SHLD1: variants seen among roughly 807,000 people sequenced by gnomAD.
SHLD1 encodes RINN1-REV7-interacting novel NHEJ regulator 3.
SHLD1 carries 3 observed loss-of-function variants against 5.5 expected under a neutral mutation model. The observed-to-expected ratio is 0.54, with a 90% CI of 0.25 to 1.40. The LOEUF is 1.40. Among genes scored for constraint, SHLD1 ranks in the 40% most tolerant of loss-of-function variants. SHLD1 has a pLI of 0.15. For missense variants in SHLD1, 210 were observed against 244.4 expected, an observed-to-expected ratio of 0.86 and a Z score of 0.94; for synonymous variants, 92 against 94.3, an observed-to-expected ratio of 0.98 and a Z score of 0.14.
intron 2 of SHLD1, among the ~76,000 whole-genome samples, chr20:5,787,307 C>T (rs185540790): frequency 6.6e-6 from 1 of 152,274 alleles, no homozygotes; most frequent in Admixed American, 6.5e-5. Context: ...CAATGAAGCC[C>T]TTGATCACTT....
intron 2 of SHLD1, among the ~76,000 whole-genome samples, chr20:5,860,129 C>T (rs369303125): frequency 7.2e-5 from 11 of 152,042 alleles, no homozygotes; most frequent in East Asian, 5.8e-4. Context: ...AACCCCTACC[C>T]AGGACAAGGT....
chr20:5,796,035 A>C (rs2087208378), intron 2 of SHLD1, among the ~76,000 whole-genome samples: 1 of 152,146 alleles, frequency 6.6e-6, no homozygotes, highest in Non-Finnish European at 1.5e-5. Context: ...ATTCCGGAAC[A>C]GTAGATATCT....
chr20:5,793,092 C>T (rs912050098), intron 2 of SHLD1, among the ~76,000 whole-genome samples: 2 of 152,132 alleles, frequency 1.3e-5, no homozygotes, highest in Admixed American at 6.6e-5. Context: ...TGAGCATATA[C>T]GTAAGGGTTT....
At chr20:5,804,632 G>A (rs924042015) in intron 2 of SHLD1, among the ~76,000 whole-genome samples, 1 of 152,132 alleles carries the variant, frequency 6.6e-6, no homozygotes, top group African/African-American at 2.4e-5. Context: ...GAAGGTGGCC[G>A]TCATTCATTT....
At chr20:5,756,318 G>A (rs1482803087) in intron 1 of SHLD1, among the ~76,000 whole-genome samples, 1 of 151,902 alleles carries the variant, frequency 6.6e-6, no homozygotes, top group East Asian at 1.9e-4. Flanking sequence ...GCATTATATT[G>A]ATCTTTAGTG....
intron 1 of SHLD1, among the ~76,000 whole-genome samples, chr20:5,770,279 C>A (rs1031082872): frequency 1.3e-5 from 2 of 152,192 alleles, no homozygotes; most frequent in Admixed American, 1.3e-4. Context: ...AAGTTGTAGG[C>A]GATTTTAAGC....
At chr20:5,756,836 G>T in intron 1 of SHLD1, 1 of 246,450 alleles carries the variant, frequency 4.1e-6, no homozygotes, top group Non-Finnish European at 8.2e-6. Context: ...ATCTGGCCTA[G>T]GATTTTCTAT....
At chr20:5,852,692 C>T (rs879365733) in intron 2 of SHLD1, among the ~76,000 whole-genome samples, 3 of 152,164 alleles carry the variant, frequency 2.0e-5, no homozygotes, top group South Asian at 2.1e-4. Flanking sequence ...TCAAGTGATC[C>T]GCCTGCCTCA....
chr20:5,823,329 AT>A (rs572066492), intron 2 of SHLD1, among the ~76,000 whole-genome samples: 11 of 151,972 alleles, frequency 7.2e-5, no homozygotes, highest in Admixed American at 6.6e-4. Context: ...TAGAGACAGG[AT>A]TTTGGCATGT....
At chr20:5,818,325 C>G (rs968446657) in intron 2 of SHLD1, among the ~76,000 whole-genome samples, 13 of 152,166 alleles carry the variant, frequency 8.5e-5, no homozygotes, top group Admixed American at 3.9e-4. Flanking sequence ...ATCCACCCGC[C>G]ACAGCCTCCC....
At chr20:5,769,635 G>A (rs1985037930) in intron 1 of SHLD1, among the ~76,000 whole-genome samples, 1 of 152,170 alleles carries the variant, frequency 6.6e-6, no homozygotes, top group Non-Finnish European at 1.5e-5. Flanking sequence ...TATAAGTTAT[G>A]TGAATGTGGT....
At chr20:5,751,120 G>A (rs916134180) in intron 1 of SHLD1, among the ~76,000 whole-genome samples, 1 of 152,186 alleles carries the variant, frequency 6.6e-6, no homozygotes, top group African/African-American at 2.4e-5. Context: ...CCTGCCTCCA[G>A]TAGCAGTCAT....
chr20:5,757,409 A>G (rs1393451472), intron 1 of SHLD1, among the ~76,000 whole-genome samples: 2 of 151,800 alleles, frequency 1.3e-5, no homozygotes, highest in Non-Finnish European at 2.9e-5. Context: ...TTAGCAACCT[A>G]CTTGATAAAC....
intron 2 of SHLD1, among the ~76,000 whole-genome samples, chr20:5,803,888 T>TAA (rs747359736): frequency 7.8e-6 from 1 of 128,022 alleles, no homozygotes. Flanking sequence ...TAAAAAAGAT[T>TAA]AAAAAAAAAA....
rs374734363 is a variant in SHLD1 at position 5,825,665 on chromosome 20, CAGG to C, written c.179-37356_179-37354del. On this transcript the variant is annotated intron_variant, in intron 2 of 2. Coordinates refer to ENST00000303142, the MANE Select transcript of SHLD1 (RefSeq NM_152504.4). Reference sequence around the variant, plus strand: ...CAAGGTGGGAGGCTGGGCTTAAGCCCAGGAGATCAAGGCTGTAGTGAGCTATGA... The same window carrying C: ...CAAGGTGGGAGGCTGGGCTTAAGCCCAGATCAAGGCTGTAGTGAGCTATGA... Among the ~76,000 whole-genome samples the C allele has an allele frequency of 3.4e-3, 519 of 152,268 alleles. 4 individuals are homozygous for C. Among genetic ancestry groups the C allele is most frequent in the African/African-American group, 0.012 (483 of 41,550 alleles).
At chr20:5,799,524 G>A (rs1483869970) in intron 2 of SHLD1, among the ~76,000 whole-genome samples, 1 of 143,280 alleles carries the variant, frequency 7.0e-6, no homozygotes, top group Non-Finnish European at 1.5e-5. Flanking sequence ...TGTTGCCCAG[G>A]CTGGTCTCAA....
intron 2 of SHLD1, among the ~76,000 whole-genome samples, chr20:5,797,960 AC>A (rs1268043966): frequency 6.6e-6 from 1 of 152,026 alleles, no homozygotes; most frequent in Non-Finnish European, 1.5e-5. Flanking sequence ...CTGCCTAACT[AC>A]CCCAAAATTT....
chr20:5,824,041 A>T (rs1292919636), intron 2 of SHLD1, among the ~76,000 whole-genome samples: 1 of 152,100 alleles, frequency 6.6e-6, no homozygotes, highest in Non-Finnish European at 1.5e-5. Context: ...ACCTGCTTAA[A>T]ACCTTTCAGT....
chr20:5,827,982 A>G (rs1168223615), intron 2 of SHLD1, among the ~76,000 whole-genome samples: 2 of 152,238 alleles, frequency 1.3e-5, no homozygotes, highest in African/African-American at 4.8e-5. Flanking sequence ...TGCTCAAAAA[A>G]TTAGTTGCAT....
Sources: allele counts gnomAD v4.1 joint callset (sites outside exome capture counted in the v4.1 genomes callset), GRCh38; gene constraint gnomAD v4.1.1; transcripts MANE v1.5; gene names NCBI Gene and HGNC (gene_info 2026-07-23, HGNC 2026-07-21).